The following TMEM178B variants were observed in gnomAD, a reference collection of about 807,000 sequenced individuals.
TMEM178B encodes transmembrane protein 178B.
In TMEM178B, 5 loss-of-function variants were observed where a neutral mutation model predicts 31.0. The observed-to-expected ratio is 0.16, with a 90% CI of 0.08 to 0.34. The LOEUF (loss-of-function observed/expected upper bound fraction) is 0.34, where lower values mean the gene tolerates loss of function less well. Ranked by LOEUF, TMEM178B falls within the 10% of genes least tolerant of loss-of-function variation. The probability of loss-of-function intolerance (pLI) is 1.00; values close to 1 mark genes in which losing one functional copy is unlikely to be tolerated. For missense variants in TMEM178B, 275 were observed against 400.3 expected, an observed-to-expected ratio of 0.69 and a Z score of 2.67; for synonymous variants, 164 against 164.0, an observed-to-expected ratio of 1.00 and a Z score of 0.00.
At chr7:141,459,179 G>A (rs1178192553) in intron 3 of TMEM178B, among the ~76,000 whole-genome samples, 13 of 152,084 alleles carry the variant, frequency 8.5e-5, no homozygotes, top group African/African-American at 2.9e-4. Flanking sequence ...ACAGGCATGC[G>A]CCACCACTCC....
At chr7:141,165,309 G>A (rs2129182140) in intron 1 of TMEM178B, among the ~76,000 whole-genome samples, 1 of 152,242 alleles carries the variant, frequency 6.6e-6, no homozygotes, top group Admixed American at 6.5e-5. Context: ...AATCTTGATA[G>A]TTTTTAAGAG....
At chr7:141,129,488 A>T (rs1368338454) in intron 1 of TMEM178B, among the ~76,000 whole-genome samples, 2 of 152,190 alleles carry the variant, frequency 1.3e-5, no homozygotes, top group African/African-American at 4.8e-5. Flanking sequence ...GATCAAGATA[A>T]CGAATGCTTC....
In TMEM178B at chr7:141,461,225, C is replaced by T. The variant is rs1335497451; in HGVS notation, c.635-9311C>T. ...GACTTGGCTGCTTCTTCTCTGACCT[C>T]CCTGATACACAGCCACGTGGGTGTT... On this transcript the variant is annotated intron_variant, in intron 3 of 3. Coordinates refer to ENST00000565468, the MANE Select transcript of TMEM178B (RefSeq NM_001195278.2). This position sits in a 1 kb window ranked among gnomAD's most constrained non-coding sequence, Gnocchi z 4.0. 6.6e-6 allele frequency among the ~76,000 whole-genome samples: 1 copy of T among 152,222 alleles called. No homozygotes were observed. Among genetic ancestry groups the T allele is most frequent in the Non-Finnish European group, 1.5e-5 (1 of 68,036 alleles).
intron 2 of TMEM178B, among the ~76,000 whole-genome samples, chr7:141,262,229 G>A (rs1798024139): frequency 6.6e-6 from 1 of 152,126 alleles, no homozygotes; most frequent in Admixed American, 6.5e-5. Context: ...GGCTCAGCAA[G>A]TGTCCACTTT....
chr7:141,428,695 C>G (rs994585523), intron 2 of TMEM178B, among the ~76,000 whole-genome samples: 13 of 152,192 alleles, frequency 8.5e-5, no homozygotes, highest in Admixed American at 2.6e-4. Flanking sequence ...AACCCTGGAA[C>G]CATGCCAATG....
intron 2 of TMEM178B, among the ~76,000 whole-genome samples, chr7:141,406,399 A>G (rs922439082): frequency 3.9e-5 from 6 of 152,176 alleles, no homozygotes; most frequent in Admixed American, 1.3e-4. Context: ...TCTCTCCCAG[A>G]TTATGATAGA....
At chr7:141,436,672 G>A (rs1341154562) in intron 2 of TMEM178B, among the ~76,000 whole-genome samples, 1 of 152,124 alleles carries the variant, frequency 6.6e-6, no homozygotes, top group Non-Finnish European at 1.5e-5. Flanking sequence ...AGGGTAGGGG[G>A]CTTGAGAGCA....
intron 2 of TMEM178B, among the ~76,000 whole-genome samples, chr7:141,258,351 G>A (rs1261049818): frequency 1.3e-5 from 2 of 151,888 alleles, no homozygotes; most frequent in Admixed American, 1.3e-4. Context: ...AAAAAAAATC[G>A]CAAAAAATTC....
intron 2 of TMEM178B, among the ~76,000 whole-genome samples, chr7:141,342,941 G>A (rs1039765838): frequency 3.9e-5 from 6 of 152,090 alleles, no homozygotes; most frequent in South Asian, 2.1e-4. Context: ...GTCTAGCTGC[G>A]CCTCTTGAAA....
intron 2 of TMEM178B, among the ~76,000 whole-genome samples, chr7:141,243,189 A>G (rs1797655360): frequency 6.6e-6 from 1 of 152,102 alleles, no homozygotes. Flanking sequence ...TGACTAATGA[A>G]GGGGAGAATT....
chr7:141,249,280 T>C (rs1413300343), intron 2 of TMEM178B, among the ~76,000 whole-genome samples: 1 of 152,178 alleles, frequency 6.6e-6, no homozygotes, highest in Non-Finnish European at 1.5e-5. Flanking sequence ...TTTCCACGTT[T>C]GCTTGGGTCC....
At chr7:141,381,267 A>G (rs575742733) in intron 2 of TMEM178B, among the ~76,000 whole-genome samples, 1 of 152,332 alleles carries the variant, frequency 6.6e-6, no homozygotes, top group Admixed American at 6.5e-5. Context: ...CCTTGCTCAC[A>G]TCTCTTAAAT....
chr7:141,252,372 T>C (rs1044870068), intron 2 of TMEM178B, among the ~76,000 whole-genome samples: 2 of 152,192 alleles, frequency 1.3e-5, no homozygotes, highest in African/African-American at 4.8e-5. Context: ...GAGTTCAGGA[T>C]GGTTCATCTT....
At position 141,339,580 on chromosome 7, in the gene TMEM178B, G is replaced by A. The variant is rs114609175; in HGVS notation, c.497-98028G>A. On this transcript the variant is annotated intron_variant, in intron 2 of 3. Transcript: ENST00000565468. ...AAACTAGGGAGTTCATAAAGTGGAAGGTGCAAATATAAAATGGAATAGAAA... is the reference window on the plus strand; with the variant it reads ...AAACTAGGGAGTTCATAAAGTGGAAAGTGCAAATATAAAATGGAATAGAAA... Among the ~76,000 whole-genome samples, 1,385 of 152,310 alleles carry A rather than the reference G, an allele frequency of 9.1e-3. 19 individuals carry two copies. The highest frequency in any genetic ancestry group is 0.029 in the African/African-American group (1,211 of 41,564).
intron 2 of TMEM178B, among the ~76,000 whole-genome samples, chr7:141,234,767 G>A (rs1797500218): frequency 6.6e-6 from 1 of 152,236 alleles, no homozygotes; most frequent in African/African-American, 2.4e-5. Flanking sequence ...GCCAAGCCTT[G>A]ATGAGAGAGC....
chr7:141,291,450 G>A (rs973219590), intron 2 of TMEM178B, among the ~76,000 whole-genome samples: 1 of 152,160 alleles, frequency 6.6e-6, no homozygotes, highest in African/African-American at 2.4e-5. Context: ...AGCGCGAGGA[G>A]TGAGAACACA....
chr7:141,406,814 A>G (rs1261576823), intron 2 of TMEM178B, among the ~76,000 whole-genome samples: 4 of 152,366 alleles, frequency 2.6e-5, no homozygotes, highest in African/African-American at 9.6e-5. Flanking sequence ...ACATGACTCA[A>G]ATTCTGAAGT....
chr7:141,081,651 A>G (rs1794687942), intron 1 of TMEM178B, among the ~76,000 whole-genome samples: 1 of 152,162 alleles, frequency 6.6e-6, no homozygotes, highest in African/African-American at 2.4e-5. Context: ...AAAAGAAAAA[A>G]AAAAAGAAAG....
At chr7:141,404,895 T>G (rs758884794) in intron 2 of TMEM178B, among the ~76,000 whole-genome samples, 2 of 152,214 alleles carry the variant, frequency 1.3e-5, no homozygotes, top group Non-Finnish European at 2.9e-5. Flanking sequence ...CTGTATCCAC[T>G]GCTCTGAACA....
Sources: gnomAD v4.1 joint callset for allele counts (sites outside exome capture counted in the v4.1 genomes callset) on GRCh38, gnomAD v4.1.1 for gene constraint, Gnocchi (gnomAD v3.1) non-coding constraint, MANE v1.5 for transcripts, NCBI Gene and HGNC (gene_info 2026-07-23, HGNC 2026-07-21) for gene names.